The following CHLSN variants were observed in gnomAD, a reference collection of about 807,000 sequenced individuals.
CHLSN encodes cholesin.
At chr7:1,009,001 G>GCA in the CHLSN span, among the ~76,000 whole-genome samples, 6 of 149,514 alleles carry the variant, frequency 4.0e-5, no homozygotes, top group South Asian at 2.1e-4. Context: ...ACACATACAC[G>GCA]CACACACACA....
At chr7:1,092,810 C>T in the CHLSN span, 1 of 1,613,424 alleles carries the variant, frequency 6.2e-7, no homozygotes, top group Non-Finnish European at 8.5e-7. Flanking sequence ...GCCGTCATTC[C>T]AGACAGCACC....
the CHLSN span, among the ~76,000 whole-genome samples, chr7:1,033,839 C>G: frequency 6.6e-6 from 1 of 152,084 alleles, no homozygotes; most frequent in Non-Finnish European, 1.5e-5. Flanking sequence ...CCCAGGAAAT[C>G]AGTAATGGAG....
the CHLSN span, chr7:988,360 T>C: frequency 6.2e-7 from 1 of 1,612,548 alleles, no homozygotes; most frequent in African/African-American, 1.3e-5. Context: ...ACCCCGGCCA[T>C]TTCCTGGACG....
chr7:1,016,304 TAGCAGCAC>T, the CHLSN span, among the ~76,000 whole-genome samples: 1 of 27,482 alleles, frequency 3.6e-5, no homozygotes, highest in South Asian at 1.1e-3. Flanking sequence ...CGCCAGCACA[TAGCAGCAC>T]AGCAGCACAC....
the CHLSN span, among the ~76,000 whole-genome samples, chr7:1,010,430 G>A: frequency 6.6e-6 from 1 of 152,204 alleles, no homozygotes; most frequent in Non-Finnish European, 1.5e-5. Context: ...CAGACTCCCG[G>A]CTCCCGAGGC....
At chr7:993,600 C>G in the CHLSN span, among the ~76,000 whole-genome samples, 1 of 152,048 alleles carries the variant, frequency 6.6e-6, no homozygotes, top group South Asian at 2.1e-4. Flanking sequence ...CACAGTGAGG[C>G]CCCCCGCTTC....
chr7:1,058,131 G>C, the CHLSN span: 1 of 752,532 alleles, frequency 1.3e-6, no homozygotes, highest in South Asian at 1.4e-5. Flanking sequence ...CACCCTCTAC[G>C]CGCTGGTGCT....
chr7:1,117,258 C>T, the CHLSN span, among the ~76,000 whole-genome samples: 7 of 65,730 alleles, frequency 1.1e-4, no homozygotes, highest in Non-Finnish European at 8.4e-5. Flanking sequence ...TACAGCTCTA[C>T]GGACCGGCTT....
the CHLSN span, among the ~76,000 whole-genome samples, chr7:1,104,656 C>T: frequency 2.6e-5 from 4 of 152,186 alleles, no homozygotes; most frequent in Non-Finnish European, 4.4e-5. Flanking sequence ...ACTGTTTATG[C>T]GCCTGACAGC....
At chr7:1,070,797 GCACACATGCACACACATC>G in the CHLSN span, among the ~76,000 whole-genome samples, 4 of 132,154 alleles carry the variant, frequency 3.0e-5, no homozygotes, top group Middle Eastern at 4.1e-3. Flanking sequence ...ACACGCACGT[GCACACATGCACACACATC>G]CACACGTGCA....
the CHLSN span, among the ~76,000 whole-genome samples, chr7:1,043,243 T>C: frequency 6.6e-6 from 1 of 152,030 alleles, no homozygotes; most frequent in Non-Finnish European, 1.5e-5. Context: ...AAAAAAATAT[T>C]AAAATGCACA....
the CHLSN span, among the ~76,000 whole-genome samples, chr7:1,054,419 TCCACCTGAACC>T: frequency 3.3e-5 from 5 of 152,200 alleles, no homozygotes; most frequent in Admixed American, 2.0e-4. Flanking sequence ...AGGAGAACTT[TCCACCTGAACC>T]CCACCTGGAG....
the CHLSN span, chr7:1,057,893 C>T: frequency 8.0e-5 from 62 of 776,748 alleles, no homozygotes; most frequent in Middle Eastern, 4.5e-4. Flanking sequence ...TGAGCCTCGA[C>T]CACTACATCG....
chr7:1,133,781 T>A, the CHLSN span, among the ~76,000 whole-genome samples: 1 of 149,466 alleles, frequency 6.7e-6, no homozygotes, highest in African/African-American at 2.4e-5. Flanking sequence ...CAGGTGCTAC[T>A]TTACGATAAA....
the CHLSN span, chr7:1,000,407 G>C: frequency 1.0e-5 from 11 of 1,103,328 alleles, no homozygotes; most frequent in Non-Finnish European, 1.3e-5. Context: ...GGGGGGACGT[G>C]CCTGCCCCGC....
chr7:1,090,760 T>C, the CHLSN span, among the ~76,000 whole-genome samples: 1 of 152,218 alleles, frequency 6.6e-6, no homozygotes, highest in Non-Finnish European at 1.5e-5. Context: ...CAAACAGCAT[T>C]GCAAAAACAT....
the CHLSN span, among the ~76,000 whole-genome samples, chr7:979,248 G>T: frequency 3.3e-3 from 503 of 152,312 alleles, 3 homozygotes; most frequent in African/African-American, 0.012. Context: ...CAGTTCGACT[G>T]CTCCAAAGCA....
At chr7:1,063,646 A>C in the CHLSN span, among the ~76,000 whole-genome samples, 1 of 152,230 alleles carries the variant, frequency 6.6e-6, no homozygotes, top group Non-Finnish European at 1.5e-5. Flanking sequence ...GTGTGGTCTC[A>C]CGTCCTCACC....
At chr7:1,105,654 G>A in the CHLSN span, among the ~76,000 whole-genome samples, 1 of 151,096 alleles carries the variant, frequency 6.6e-6, no homozygotes, top group South Asian at 2.1e-4. Context: ...TCACTCTGTC[G>A]CCCAGGCTGG....
Sources: allele counts gnomAD v4.1 joint callset (sites outside exome capture counted in the v4.1 genomes callset), GRCh38; gene constraint gnomAD v4.1.1; transcripts MANE v1.5; gene names NCBI Gene and HGNC (gene_info 2026-07-23, HGNC 2026-07-21).